NAV2: variants seen among roughly 807,000 people sequenced by gnomAD.
The protein encoded by NAV2 is helicase, APC down-regulated 1.
Under a neutral mutation model 223.2 loss-of-function variants are expected in NAV2, and 54 were observed. That is an observed-to-expected ratio of 0.24 (90% CI 0.19 to 0.30). NAV2 has a LOEUF of 0.30. NAV2 is among the 10% of genes least tolerant of loss of function. The pLI is 1.00. For missense variants in NAV2, 2,806 were observed against 3,147.5 expected, an observed-to-expected ratio of 0.89 and a Z score of 2.60; for synonymous variants, 1,279 against 1,239.3, an observed-to-expected ratio of 1.03 and a Z score of -0.67.
At position 19,715,688 on chromosome 11, in the gene NAV2, G is replaced by C. The variant is rs114749471; in HGVS notation, c.267+1726G>C. ...CTCTGGAAAGGTGATTCATCACCCT[G>C]TCCGTGAAAAAAAATGTTCTTCAGC... On this transcript the variant is annotated intron_variant, in intron 1 of 37. Coordinates refer to ENST00000349880, the MANE Select transcript of NAV2 (RefSeq NM_145117.5). Among the ~76,000 whole-genome samples the C allele has an allele frequency of 3.8e-3, 583 of 152,194 alleles. 4 individuals carry two copies. The highest frequency in any genetic ancestry group is 0.013 in the African/African-American group (551 of 41,516).
intron 17 of NAV2, among the ~76,000 whole-genome samples, chr11:20,053,667 G>A (rs1564940178): frequency 6.6e-6 from 1 of 152,174 alleles, no homozygotes; most frequent in Non-Finnish European, 1.5e-5. Context: ...TCATTTATTT[G>A]TGTTGTAGAA....
chr11:19,925,742 T>C (rs112778422), intron 6 of NAV2, among the ~76,000 whole-genome samples: 2,850 of 149,254 alleles, frequency 0.019, 86 homozygotes, highest in African/African-American at 0.067. Context: ...AGTAAGATTC[T>C]GTCTCAAAAA....
Position 19,948,807 on chromosome 11 carries a change from G to A in NAV2, c.2372G>A (p.Arg791Gln), listed in dbSNP as rs763237446. The A allele has an allele frequency of 1.2e-5, 20 of 1,613,822 alleles. No individual in the cohort carries two copies. The highest frequency in any genetic ancestry group is 4.5e-5 in the East Asian group (2 of 44,840). Residue 791 changes from arginine to glutamine, a missense_variant, in exon 10 of 38, where the codon CGG (arginine) becomes CAG (glutamine). Coordinates refer to ENST00000349880, the MANE Select transcript of NAV2 (RefSeq NM_145117.5). ...TGGAGACTGGGCCAGTCCAGCCCTC[G>A]GCTCCAAGCAGGAGACGCCCCCTCA... The part of the protein sequence containing the change: ...LSWRLGQSSP[R>Q]LQAGDAPSMG...
chr11:19,728,799 C>A (rs1479250760), intron 1 of NAV2, among the ~76,000 whole-genome samples: 1 of 152,140 alleles, frequency 6.6e-6, no homozygotes. Context: ...AAGAAAAGTC[C>A]AAGGCAGAAC....
rs2153220127 is a variant in NAV2, at chr11:19,910,583, GCGCGGTGGCTTATGCCTGTAATCC to G, written c.931+17990_931+18013del. On this transcript the variant is annotated intron_variant, in intron 6 of 37. Transcript: ENST00000349880. ...TTAAGAAAAAAACATAACTAGCCAG[GCGCGGTGGCTTATGCCTGTAATCC>G]TAGCACTTTGGGAGGCCGAGGCAGG... Among the ~76,000 whole-genome samples, 3 of 152,352 alleles carry G rather than the reference GCGCGGTGGCTTATGCCTGTAATCC, an allele frequency of 2.0e-5. No homozygotes were observed. The East Asian group carries it at 5.8e-4, about 29-fold the overall frequency.
chr11:19,901,269 G>A (rs957890856), intron 6 of NAV2, among the ~76,000 whole-genome samples: 1 of 152,178 alleles, frequency 6.6e-6, no homozygotes, highest in Non-Finnish European at 1.5e-5. Flanking sequence ...ACTGCCTGCC[G>A]GGCATGATGA....
intron 19 of NAV2, among the ~76,000 whole-genome samples, chr11:20,061,086 C>A (rs577029411): frequency 1.1e-4 from 16 of 152,298 alleles, no homozygotes; most frequent in Middle Eastern, 3.4e-3. Context: ...GGAGTAGAGC[C>A]ATTCCACCCA....
chr11:19,943,001 A>T (rs2046525888), intron 8 of NAV2, among the ~76,000 whole-genome samples: 1 of 152,162 alleles, frequency 6.6e-6, no homozygotes, highest in South Asian at 2.1e-4. Flanking sequence ...AAAATAGTTG[A>T]ATTTCTAACG....
At chr11:20,092,981 A>ACCCCCCCCCCCCC in intron 28 of NAV2, 118 bp from the exon 29 acceptor site, 3 of 63,016 alleles carry the variant, frequency 4.8e-5, no homozygotes, top group South Asian at 3.5e-4. Context: ...CTACCCCCCC[A>ACCCCCCCCCCCCC]CCCCCTGCAC....
At chr11:19,567,050 A>G (rs1467548998) in intron 1 of NAV2, among the ~76,000 whole-genome samples, 2 of 152,238 alleles carry the variant, frequency 1.3e-5, no homozygotes, top group South Asian at 4.1e-4. Flanking sequence ...TGGATGATGG[A>G]GGGCTGTTTC....
chr11:19,667,018 C>T (rs1391468134), intron 1 of NAV2, among the ~76,000 whole-genome samples: 1 of 152,114 alleles, frequency 6.6e-6, no homozygotes, highest in African/African-American at 2.4e-5. Flanking sequence ...CCCCAGCCTC[C>T]CTCCCACCAT....
chr11:19,454,535 G>A (rs1175328270), intron 1 of NAV2, among the ~76,000 whole-genome samples: 2 of 152,114 alleles, frequency 1.3e-5, no homozygotes, highest in Non-Finnish European at 2.9e-5. Flanking sequence ...CTGAGGACAG[G>A]GATCCTGTTT....
chr11:20,096,870 A>G (rs1329223370), intron 30 of NAV2, among the ~76,000 whole-genome samples: 1 of 152,208 alleles, frequency 6.6e-6, no homozygotes, highest in African/African-American at 2.4e-5. Flanking sequence ...ATCTCTGGTG[A>G]TGGACAGTTG....
At chr11:19,939,408 C>T (rs992958895) in intron 7 of NAV2, among the ~76,000 whole-genome samples, 4 of 152,128 alleles carry the variant, frequency 2.6e-5, no homozygotes, top group African/African-American at 9.7e-5. Context: ...AGAAGCATTC[C>T]CCAGTGAGGG....
At position 19,448,490 on chromosome 11, in the gene NAV2, C is replaced by T. The variant is rs147258355; in HGVS notation, c.75+97463C>T. Among the ~76,000 whole-genome samples the T allele has an allele frequency of 2.7e-3, 410 of 152,316 alleles. 1 individual carries two copies. The highest frequency in any genetic ancestry group is 9.3e-3 in the African/African-American group (388 of 41,566). On this transcript the variant is annotated intron_variant, in intron 1 of 37. Transcript: ENST00000360655. ...ACATCAGAAATGCAGATGGCCAGGA[C>T]ATCCTGGGAAGTCTGGCTCCTCCCA... is the stretch of plus-strand genomic sequence containing the variant.
At chr11:19,433,715 T>C (rs1590196135) in intron 1 of NAV2, among the ~76,000 whole-genome samples, 1 of 152,342 alleles carries the variant, frequency 6.6e-6, no homozygotes, top group East Asian at 1.9e-4. Context: ...TGAAGCTAAC[T>C]GGGGCCTTTA....
chr11:19,822,092 A>C (rs975085175), intron 1 of NAV2, among the ~76,000 whole-genome samples: 1 of 152,204 alleles, frequency 6.6e-6, no homozygotes, highest in Non-Finnish European at 1.5e-5. Flanking sequence ...TTCACGTTGC[A>C]TGGCATCATC....
At chr11:19,368,926 G>T (rs1848379035) in intron 1 of NAV2, among the ~76,000 whole-genome samples, 1 of 152,064 alleles carries the variant, frequency 6.6e-6, no homozygotes, top group African/African-American at 2.4e-5. Flanking sequence ...CCAAATTCCT[G>T]GTTATATTTT....
chr11:20,080,249 G>T, intron 25 of NAV2, 40 bp downstream of exon 25: 1 of 1,592,156 alleles, frequency 6.3e-7, no homozygotes, highest in Non-Finnish European at 8.6e-7. Flanking sequence ...GACGGACAGA[G>T]TCAGTTGCAG....
Sources: allele counts gnomAD v4.1 joint callset (sites outside exome capture counted in the v4.1 genomes callset), GRCh38; gene constraint gnomAD v4.1.1; transcripts MANE v1.5; gene names NCBI Gene and HGNC (gene_info 2026-07-23, HGNC 2026-07-21).